PCDH15: variants seen among roughly 807,000 people sequenced by gnomAD.
PCDH15 encodes the protein protocadherin related 15, also known as protocadherin-15.
Under a neutral mutation model 178.5 loss-of-function variants are expected in PCDH15, and 129 were observed. The observed-to-expected ratio is 0.72, with a 90% CI of 0.63 to 0.84. The LOEUF (loss-of-function observed/expected upper bound fraction) is 0.84. Ranked by LOEUF, PCDH15 falls within the 40% of genes least tolerant of loss-of-function variation. PCDH15 has a pLI of 0.00. For synonymous variants in PCDH15, 800 were observed against 732.0 expected, an observed-to-expected ratio of 1.09 and a Z score of -1.50; for missense variants, 2,230 against 2,099.9, an observed-to-expected ratio of 1.06 and a Z score of -1.21.
intron 3 of PCDH15, among the ~76,000 whole-genome samples, chr10:54,500,713 C>A (rs1028603942): frequency 6.6e-6 from 1 of 151,974 alleles, no homozygotes; most frequent in African/African-American, 2.4e-5. Context: ...GCCTGTAATT[C>A]CAGCCATTCA....
At chr10:54,087,407 C>G (rs1183863347) in intron 16 of PCDH15, among the ~76,000 whole-genome samples, 1 of 152,068 alleles carries the variant, frequency 6.6e-6, no homozygotes, top group African/African-American at 2.4e-5. Flanking sequence ...AATACGTGCT[C>G]TTTTTGCAAC....
intron 2 of PCDH15, among the ~76,000 whole-genome samples, chr10:54,574,626 C>G (rs1055937527): frequency 7.1e-6 from 1 of 141,032 alleles, no homozygotes; most frequent in African/African-American, 2.6e-5. Context: ...TTTAGAATGG[C>G]AATCATTAAA....
At chr10:54,611,511 T>C (rs1006998260) in intron 2 of PCDH15, among the ~76,000 whole-genome samples, 11 of 151,862 alleles carry the variant, frequency 7.2e-5, no homozygotes, top group African/African-American at 2.4e-4. Flanking sequence ...GATCAACAGC[T>C]GACTCTTTAA....
chr10:55,557,857 T>G (rs1380997105), intron 2 of PCDH15, among the ~76,000 whole-genome samples: 2 of 152,096 alleles, frequency 1.3e-5, no homozygotes, highest in African/African-American at 4.8e-5. Flanking sequence ...GTAAAGAGTT[T>G]GGAGGTTTAC....
chr10:55,257,064 A>T (rs1350781010), intron 1 of PCDH15, among the ~76,000 whole-genome samples: 1 of 152,144 alleles, frequency 6.6e-6, no homozygotes, highest in Non-Finnish European at 1.5e-5. Context: ...TTTGCTGTTC[A>T]CCAATATCCA....
At chr10:53,883,151 A>C (rs555672742) in intron 26 of PCDH15, among the ~76,000 whole-genome samples, 8 of 123,432 alleles carry the variant, frequency 6.5e-5, no homozygotes, top group Non-Finnish European at 9.8e-5. Context: ...ATACACACAC[A>C]TATATACACA....
chr10:54,022,894 C>T lies in PCDH15; in HGVS notation c.2524G>A (p.Glu842Lys). The T allele has an allele frequency of 6.2e-7, 1 of 1,613,782 alleles. No homozygotes were observed. Among genetic ancestry groups the T allele is most frequent in the South Asian group, 1.1e-5 (1 of 91,068 alleles). ...AATAAATGCTTTTTCCCACACACCT[C>T]TATTTGAAGGATGGTAGTCCCAGCT... Reference protein sequence around the residue: ...LPAGTTILQIEAKDVDLGANV... With the variant: ...LPAGTTILQIKAKDVDLGANV... Residue 842 changes from glutamate to lysine, a missense_variant and splice_region_variant, in exon 19 of 38, where the codon GAG (glutamate) becomes AAG (lysine). Transcript: ENST00000644397.
At chr10:54,339,742 A>G (rs537225322) in intron 6 of PCDH15, among the ~76,000 whole-genome samples, 1 of 152,256 alleles carries the variant, frequency 6.6e-6, no homozygotes, top group South Asian at 2.1e-4. Context: ...GAACTCCTCT[A>G]CCTTTGATGA....
intron 26 of PCDH15, among the ~76,000 whole-genome samples, chr10:53,873,925 C>T (rs1360542273): frequency 6.6e-6 from 1 of 152,136 alleles, no homozygotes; most frequent in East Asian, 1.9e-4. Flanking sequence ...ACGCAGCCAT[C>T]CATGAACCAG....
In PCDH15 at chr10:55,195,208, G is replaced by A. The variant is rs535671715; in HGVS notation, c.-155-28557C>T. Among the ~76,000 whole-genome samples the A allele has an allele frequency of 4.9e-3, 738 of 151,788 alleles. 7 individuals are homozygous for A. Among genetic ancestry groups the A allele is most frequent in the African/African-American group, 0.017 (718 of 41,366 alleles). On this transcript the variant is annotated intron_variant, in intron 1 of 5. Coordinates refer to the PCDH15 transcript ENST00000458638. Reference sequence around the variant, plus strand: ...CTGGCTAACTTTTGTATTTTTAGTAGAGACGGGATTTCACCATATTGGTCA... The same window carrying A: ...CTGGCTAACTTTTGTATTTTTAGTAAAGACGGGATTTCACCATATTGGTCA...
At chr10:55,142,980 A>T (rs941994130) in intron 2 of PCDH15, among the ~76,000 whole-genome samples, 4 of 152,066 alleles carry the variant, frequency 2.6e-5, no homozygotes, top group Non-Finnish European at 5.9e-5. Flanking sequence ...GTGGGAGATG[A>T]TTGGCTTATG....
At chr10:54,175,975 T>C (rs541499312) in intron 13 of PCDH15, among the ~76,000 whole-genome samples, 11 of 152,234 alleles carry the variant, frequency 7.2e-5, no homozygotes, top group African/African-American at 2.6e-4. Flanking sequence ...ACTAAGAAAT[T>C]AAAATATTTC....
intron 3 of PCDH15, among the ~76,000 whole-genome samples, chr10:54,401,338 G>A (rs1951907475): frequency 6.6e-6 from 1 of 151,702 alleles, no homozygotes; most frequent in Admixed American, 6.6e-5. Context: ...TTTAGGGCAA[G>A]CAAAGTTATG....
chr10:55,272,094 T>C (rs1364299317), intron 1 of PCDH15, among the ~76,000 whole-genome samples: 2 of 152,014 alleles, frequency 1.3e-5, no homozygotes, highest in African/African-American at 4.8e-5. Flanking sequence ...CTATATACCA[T>C]TCCTTATACA....
At chr10:55,408,628 T>C (rs1423757839) in intron 2 of PCDH15, among the ~76,000 whole-genome samples, 1 of 152,184 alleles carries the variant, frequency 6.6e-6, no homozygotes, top group Non-Finnish European at 1.5e-5. Flanking sequence ...GTAAGATTTA[T>C]GCCAGAAATT....
At chr10:55,086,326 T>C (rs181214967) in intron 2 of PCDH15, among the ~76,000 whole-genome samples, 1 of 152,128 alleles carries the variant, frequency 6.6e-6, no homozygotes, top group Admixed American at 6.6e-5. Flanking sequence ...TATATATGTA[T>C]ATATAAGATT....
intron 1 of PCDH15, among the ~76,000 whole-genome samples, chr10:54,750,716 A>G (rs1020865673): frequency 1.3e-5 from 2 of 152,122 alleles, no homozygotes; most frequent in African/African-American, 2.4e-5. Flanking sequence ...CCAAAGAAAA[A>G]TTGTTTTCTA....
In PCDH15 at chr10:54,063,940, G is replaced by T. The variant is rs73235800; in HGVS notation, c.2220+2817C>A. On this transcript the variant is annotated intron_variant, in intron 18 of 37. Coordinates refer to ENST00000644397, the MANE Select transcript of PCDH15 (RefSeq NM_001384140.1). ...AACTCTTCTCTCCTTTTTGTTGCTC[G>T]CCACATGGTGAGGGGGGTGGCAGCT... Among the ~76,000 whole-genome samples the T allele has an allele frequency of 5.1e-3, 784 of 152,270 alleles. 8 individuals are homozygous for T. The highest frequency in any genetic ancestry group is 0.02 in the Middle Eastern group (6 of 294).
At chr10:55,175,550 G>A (rs1839456850) in intron 1 of PCDH15, among the ~76,000 whole-genome samples, 1 of 151,124 alleles carries the variant, frequency 6.6e-6, no homozygotes, top group East Asian at 2.0e-4. Context: ...ATAATCCCAG[G>A]TACTTGGGGG....
Sources: gnomAD v4.1 joint callset for allele counts (sites outside exome capture counted in the v4.1 genomes callset) on GRCh38, gnomAD v4.1.1 for gene constraint, MANE v1.5 for transcripts, NCBI Gene and HGNC (gene_info 2026-07-23, HGNC 2026-07-21) for gene names.